ARHGAP29: variants seen among roughly 807,000 people sequenced by gnomAD.
ARHGAP29 encodes Rho GTPase activating protein 29.
Under a neutral mutation model 122.6 loss-of-function variants are expected in ARHGAP29, and 43 were observed. The observed-to-expected ratio is 0.35, with a 90% CI of 0.27 to 0.45. The LOEUF (loss-of-function observed/expected upper bound fraction) is 0.45, where lower values mean the gene tolerates loss of function less well. Among genes scored for constraint, ARHGAP29 ranks in the 20% least tolerant of loss-of-function variants. The pLI is 1.00. For synonymous variants in ARHGAP29, 506 were observed against 497.1 expected, an observed-to-expected ratio of 1.02 and a Z score of -0.24; for missense variants, 1,303 against 1,477.2, an observed-to-expected ratio of 0.88 and a Z score of 1.93.
At chr1:94,185,286 A>G in intron 17 of ARHGAP29, 56 bp downstream of exon 17, 1 of 1,500,790 alleles carries the variant, frequency 6.7e-7, no homozygotes, top group Non-Finnish European at 8.9e-7. Flanking sequence ...ATTAAAAACA[A>G]AAAAGTATAA....
At chr1:94,189,460 G>T in intron 13 of ARHGAP29, 108 bp from the exon 14 acceptor site, 1 of 1,274,316 alleles carries the variant, frequency 7.8e-7, no homozygotes, top group Non-Finnish European at 1.0e-6. Flanking sequence ...AATCATAGAA[G>T]AATTAAACTA....
chr1:94,196,710 T>G (rs1403106950), intron 12 of ARHGAP29, among the ~76,000 whole-genome samples: 2 of 152,086 alleles, frequency 1.3e-5, no homozygotes, highest in Non-Finnish European at 2.9e-5. Flanking sequence ...AGAATTAAAC[T>G]AAAAATCAGT....
chr1:94,241,941 A>G (rs1011553547), upstream of ARHGAP29, among the ~76,000 whole-genome samples: 7 of 151,826 alleles, frequency 4.6e-5, no homozygotes, highest in Admixed American at 1.3e-4. Context: ...TTTCTGCCTA[A>G]AGTCACATTC....
At chr1:94,295,084 T>C in the ARHGAP29 span, among the ~76,000 whole-genome samples, 2 of 152,112 alleles carry the variant, frequency 1.3e-5, no homozygotes, top group Non-Finnish European at 2.9e-5. Flanking sequence ...GGTTTGAAAT[T>C]GTATTACTAG....
At chr1:94,186,237 T>C (rs1443339057) in intron 16 of ARHGAP29, among the ~76,000 whole-genome samples, 2 of 152,204 alleles carry the variant, frequency 1.3e-5, no homozygotes, top group Non-Finnish European at 2.9e-5. Context: ...ATATCTAGCC[T>C]GTTATTTTAG....
intron 5 of ARHGAP29, among the ~76,000 whole-genome samples, chr1:94,207,155 C>T (rs778805946): frequency 1.3e-5 from 2 of 151,594 alleles, no homozygotes; most frequent in Non-Finnish European, 2.9e-5. Flanking sequence ...ACTACAGATG[C>T]ACATCACCCT....
chr1:94,302,547 G>A, the ARHGAP29 span: 3 of 332,012 alleles, frequency 9.0e-6, no homozygotes, highest in Non-Finnish European at 1.2e-5. Context: ...CAGCATCACA[G>A]TCCATGCCAT....
intron 1 of ARHGAP29, among the ~76,000 whole-genome samples, chr1:94,232,462 C>T (rs1311657002): frequency 6.6e-6 from 1 of 152,150 alleles, no homozygotes; most frequent in African/African-American, 2.4e-5. Flanking sequence ...CTGACATACT[C>T]TGACTGGTTA....
At chr1:94,294,240 G>C in the ARHGAP29 span, among the ~76,000 whole-genome samples, 1 of 151,982 alleles carries the variant, frequency 6.6e-6, no homozygotes. Flanking sequence ...AGCCAAAAGA[G>C]TCAGCAATTA....
intron 3 of ARHGAP29, among the ~76,000 whole-genome samples, chr1:94,219,037 G>A (rs1475289969): frequency 2.0e-5 from 3 of 152,002 alleles, no homozygotes; most frequent in Non-Finnish European, 2.9e-5. Context: ...TTTCCCCAAA[G>A]AAGAGTTTCC....
intron 1 of ARHGAP29, among the ~76,000 whole-genome samples, chr1:94,270,418 A>G (rs1654941945): frequency 6.6e-6 from 1 of 152,206 alleles, no homozygotes; most frequent in South Asian, 2.1e-4. Context: ...GGAATGTGTG[A>G]CCATGGGATG....
chr1:94,230,780 A>C (rs1047842636), intron 2 of ARHGAP29, among the ~76,000 whole-genome samples: 2 of 151,846 alleles, frequency 1.3e-5, no homozygotes, highest in Non-Finnish European at 3.0e-5. Flanking sequence ...TTTAGACCTA[A>C]GAGGCACTAA....
chr1:94,221,149 A>G (rs191009459), intron 2 of ARHGAP29, among the ~76,000 whole-genome samples: 4 of 152,276 alleles, frequency 2.6e-5, no homozygotes, highest in Admixed American at 6.5e-5. Flanking sequence ...CATTCAAACC[A>G]AAATACTTTT....
At chr1:94,233,845 A>T (rs997215018) in intron 1 of ARHGAP29, among the ~76,000 whole-genome samples, 5 of 152,362 alleles carry the variant, frequency 3.3e-5, no homozygotes, top group Middle Eastern at 3.4e-3. Flanking sequence ...TTTCATTTTT[A>T]AAAATGCTGG....
intron 2 of ARHGAP29, among the ~76,000 whole-genome samples, chr1:94,230,629 C>G (rs1652866902): frequency 6.6e-6 from 1 of 151,534 alleles, no homozygotes; most frequent in African/African-American, 2.4e-5. Context: ...CTATAAAGCC[C>G]CAAGAGGTCT....
At chr1:94,313,876 C>T in the ARHGAP29 span, among the ~76,000 whole-genome samples, 18 of 152,092 alleles carry the variant, frequency 1.2e-4, no homozygotes, top group Admixed American at 1.1e-3. Flanking sequence ...ACCACAAGAA[C>T]AGAAAACCAA....
chr1:94,291,215 G>A, the ARHGAP29 span, among the ~76,000 whole-genome samples: 1 of 152,158 alleles, frequency 6.6e-6, no homozygotes, highest in African/African-American at 2.4e-5. Flanking sequence ...TTTAAAGTCT[G>A]TTTTATCAGA....
rs143494388 is a variant in ARHGAP29 at position 94,273,285 on chromosome 1, C to G, written c.-33+1727G>C. On this transcript the variant is annotated intron_variant and NMD_transcript_variant, in intron 1 of 25. Transcript: ENST00000552844. ...ATCAAATGAGTCAGAACGCTCTCCT[C>G]CTTTGCACGAGCTAGTCTGCAGTAC... Among the ~76,000 whole-genome samples the G allele has an allele frequency of 2.6e-5, 4 of 152,216 alleles. No homozygotes were observed. The East Asian group carries it at 7.7e-4, about 29-fold the overall frequency.
Position 94,208,857 on chromosome 1 carries a change from C to T in ARHGAP29, c.485G>A (p.Arg162Gln), listed in dbSNP as rs779009673. 1.9e-5 allele frequency: 31 copies of T among 1,613,640 alleles called. No homozygotes were observed. Among genetic ancestry groups the T allele is most frequent in the Middle Eastern group, 1.6e-4 (1 of 6,084 alleles). The change falls in exon 5 of 23, where the codon CGA becomes CAA. Residue 162 changes from arginine (R) to glutamine (Q), a missense_variant. Physicochemically the swap from Arg to Gln is conservative, Grantham distance 43. Around this residue, in one of 3 missense-constraint regions of ARHGAP29, gnomAD observed 592 missense variants for 648.2 expected, o/e 0.91. Transcript: ENST00000260526. ...MGDVGNDSLL[R>Q]LPVSRETKSF... ...CTTAGTTTCTCGAGAAACAGGCAGT[C>T]GCAATAATGAATCATTGCCTACATC...
Sources: allele counts gnomAD v4.1 joint callset (sites outside exome capture counted in the v4.1 genomes callset), GRCh38; gene constraint gnomAD v4.1.1; regional missense constraint gnomAD v4.1.1; transcripts MANE v1.5; gene names NCBI Gene and HGNC (gene_info 2026-07-23, HGNC 2026-07-21).